The following RPS6KC1 variants were observed in gnomAD, a reference collection of about 807,000 sequenced individuals.
RPS6KC1 encodes inactive ribosomal protein S6 kinase delta-1.
A neutral mutation model predicts 103.8 loss-of-function variants in RPS6KC1; 54 were observed. The observed-to-expected ratio is 0.52, with a 90% CI of 0.42 to 0.65. The LOEUF (loss-of-function observed/expected upper bound fraction) is 0.65, where lower values mean the gene tolerates loss of function less well. Ranked by LOEUF, RPS6KC1 falls within the 30% of genes least tolerant of loss-of-function variation. The probability of loss-of-function intolerance (pLI) is 0.00; values close to 1 mark genes in which losing one functional copy is unlikely to be tolerated. For missense variants in RPS6KC1, 1,151 were observed against 1,253.8 expected, an observed-to-expected ratio of 0.92 and a Z score of 1.24; for synonymous variants, 439 against 438.7, an observed-to-expected ratio of 1.00 and a Z score of -0.01.
At chr1:213,843,725 A>T in the RPS6KC1 span, among the ~76,000 whole-genome samples, 1 of 152,214 alleles carries the variant, frequency 6.6e-6, no homozygotes, top group Non-Finnish European at 1.5e-5. Flanking sequence ...AGTTGATAAT[A>T]GAATAAAACT....
At chr1:213,313,776 C>T in the RPS6KC1 span, among the ~76,000 whole-genome samples, 3 of 152,026 alleles carry the variant, frequency 2.0e-5, no homozygotes, top group South Asian at 2.1e-4. Flanking sequence ...CACGGTGAAA[C>T]CCCACCTCTA....
At chr1:213,251,215 T>G (rs557318626) in intron 12 of RPS6KC1, among the ~76,000 whole-genome samples, 1 of 151,194 alleles carries the variant, frequency 6.6e-6, no homozygotes, top group South Asian at 2.1e-4. Flanking sequence ...CAAGCAGTTC[T>G]CCTGTCTCAG....
the RPS6KC1 span, among the ~76,000 whole-genome samples, chr1:213,451,569 G>A: frequency 2.4e-4 from 37 of 152,314 alleles, no homozygotes; most frequent in Admixed American, 2.0e-3. Flanking sequence ...GGGAGGTCGC[G>A]TGGCTCCTGA....
chr1:213,140,691 T>C (rs1246351563), intron 6 of RPS6KC1, among the ~76,000 whole-genome samples: 2 of 152,114 alleles, frequency 1.3e-5, no homozygotes, highest in Non-Finnish European at 2.9e-5. Flanking sequence ...AAATCCTACT[T>C]GAGCATGGTA....
At chr1:213,101,842 T>C (rs1204693925) in intron 3 of RPS6KC1, among the ~76,000 whole-genome samples, 1 of 152,228 alleles carries the variant, frequency 6.6e-6, no homozygotes, top group East Asian at 1.9e-4. Context: ...CACTGATTCA[T>C]ACTTTCTTAT....
intron 4 of RPS6KC1, among the ~76,000 whole-genome samples, chr1:213,112,970 C>T (rs923059002): frequency 2.6e-5 from 4 of 152,172 alleles, no homozygotes; most frequent in African/African-American, 9.7e-5. Context: ...CATTGTTGGA[C>T]ATTTGGGTTG....
the RPS6KC1 span, among the ~76,000 whole-genome samples, chr1:213,449,047 TTC>T: frequency 6.6e-6 from 1 of 152,192 alleles, no homozygotes; most frequent in African/African-American, 2.4e-5. Context: ...ATTTGTCACC[TTC>T]TCTCTCTGTG....
At chr1:213,689,896 G>A in the RPS6KC1 span, among the ~76,000 whole-genome samples, 4 of 152,302 alleles carry the variant, frequency 2.6e-5, no homozygotes, top group African/African-American at 7.2e-5. Flanking sequence ...TACACTCAAT[G>A]TATGGTCCAG....
the RPS6KC1 span, among the ~76,000 whole-genome samples, chr1:213,523,904 G>A: frequency 6.6e-6 from 1 of 152,132 alleles, no homozygotes; most frequent in African/African-American, 2.4e-5. Context: ...AGGGAACGGG[G>A]GTAAGACTGA....
At chr1:213,103,391 A>G (rs1256663172) in intron 3 of RPS6KC1, among the ~76,000 whole-genome samples, 3 of 152,226 alleles carry the variant, frequency 2.0e-5, no homozygotes, top group Admixed American at 1.3e-4. Context: ...TGTGCCTCGC[A>G]TGAAACTGGG....
chr1:213,365,657 A>T, the RPS6KC1 span, among the ~76,000 whole-genome samples: 3 of 152,208 alleles, frequency 2.0e-5, no homozygotes. Flanking sequence ...TGCTTCCTGG[A>T]TGGGGCTTCC....
the RPS6KC1 span, among the ~76,000 whole-genome samples, chr1:213,598,481 G>A: frequency 2.6e-5 from 4 of 151,988 alleles, no homozygotes; most frequent in Non-Finnish European, 5.9e-5. Context: ...CAGTTTTCCT[G>A]TCTATACAAT....
the RPS6KC1 span, among the ~76,000 whole-genome samples, chr1:213,464,365 C>A: frequency 1.3e-5 from 2 of 152,112 alleles, no homozygotes; most frequent in Admixed American, 6.5e-5. Flanking sequence ...TCCATAAAAT[C>A]ATTTAAATCT....
intron 6 of RPS6KC1, 22 bp downstream of exon 6, chr1:213,129,911 G>C (rs1469394165): frequency 2.6e-6 from 4 of 1,551,946 alleles, no homozygotes; most frequent in Non-Finnish European, 3.4e-6. Flanking sequence ...TGTATATTAT[G>C]TTTTGGCATG....
At chr1:213,479,299 A>G in the RPS6KC1 span, among the ~76,000 whole-genome samples, 1 of 152,082 alleles carries the variant, frequency 6.6e-6, no homozygotes, top group Admixed American at 6.5e-5. Context: ...TGCACTAGAT[A>G]TTACCAAATT....
Position 213,129,534 on chromosome 1 carries a change from C to A in RPS6KC1, c.480C>A (p.Ser160=). The A allele has an allele frequency of 6.2e-7, 1 of 1,603,662 alleles. No homozygotes were observed. Among genetic ancestry groups the A allele is most frequent in the Non-Finnish European group, 8.5e-7 (1 of 1,175,644 alleles). The part of the protein sequence containing the change: ...TFPECSTEGF[S]SDSDLVSLTV... The stretch of plus-strand genomic sequence containing the variant: ...TTGTGATCATATTTCTAGGCTTCTC[C>A]AGTGACAGTGATCTGGTATCTCTTA... The change falls in exon 6 of 15, where the codon TCC becomes TCA. Residue 160 remains serine (S), a synonymous_variant. Coordinates refer to ENST00000366960, the MANE Select transcript of RPS6KC1 (RefSeq NM_012424.6).
the RPS6KC1 span, among the ~76,000 whole-genome samples, chr1:213,441,044 C>G: frequency 5.3e-5 from 8 of 152,174 alleles, no homozygotes; most frequent in Non-Finnish European, 8.8e-5. Context: ...GAGGTCAGCT[C>G]CGGCCATTGA....
chr1:213,412,064 A>G, the RPS6KC1 span, among the ~76,000 whole-genome samples: 1 of 152,222 alleles, frequency 6.6e-6, no homozygotes, highest in African/African-American at 2.4e-5. Context: ...AATGGCTGCT[A>G]CAACCAACCA....
the RPS6KC1 span, among the ~76,000 whole-genome samples, chr1:213,337,023 T>C: frequency 1.3e-5 from 2 of 152,232 alleles, no homozygotes; most frequent in Non-Finnish European, 2.9e-5. Context: ...TTTATCTCTG[T>C]ATCCCAGGCA....
Sources: gnomAD v4.1 joint callset for allele counts (sites outside exome capture counted in the v4.1 genomes callset) on GRCh38, gnomAD v4.1.1 for gene constraint, MANE v1.5 for transcripts, NCBI Gene and HGNC (gene_info 2026-07-23, HGNC 2026-07-21) for gene names.